Variants in SLMAP observed in about 807,000 individuals in gnomAD.
SLMAP encodes the protein sarcolemma associated protein.
In SLMAP, 44 loss-of-function variants were observed where a neutral mutation model predicts 128.8. The ratio of observed to expected loss-of-function variants is 0.34; its 90% CI spans 0.27 to 0.44. The LOEUF is 0.44. Ranked by LOEUF, SLMAP falls within the 20% of genes least tolerant of loss-of-function variation. The probability of loss-of-function intolerance (pLI) is 1.00; values close to 1 mark genes in which losing one functional copy is unlikely to be tolerated. For synonymous variants in SLMAP, 327 were observed against 348.8 expected (o/e 0.94, Z 0.70); for missense variants, 787 against 985.3 (o/e 0.80, Z 2.69).
intron 2 of SLMAP, among the ~76,000 whole-genome samples, chr3:57,820,569 A>G (rs1195560688): frequency 2.0e-5 from 3 of 152,214 alleles, no homozygotes; most frequent in Non-Finnish European, 2.9e-5. Flanking sequence ...CGCGAGGGCA[A>G]ATGGTCCAAG....
intron 2 of SLMAP, among the ~76,000 whole-genome samples, chr3:57,810,272 T>C (rs2090719904): frequency 6.6e-6 from 1 of 152,192 alleles, no homozygotes; most frequent in African/African-American, 2.4e-5. Context: ...CCATGCTCGC[T>C]TGCTTGCACA....
At chr3:57,772,900 A>T (rs1283075333) in intron 2 of SLMAP, among the ~76,000 whole-genome samples, 1 of 152,102 alleles carries the variant, frequency 6.6e-6, no homozygotes, top group Non-Finnish European at 1.5e-5. Flanking sequence ...TCGGCCTCCC[A>T]AAGTGCTGGG....
At chr3:57,867,169 A>G (rs1401335557) in intron 13 of SLMAP, among the ~76,000 whole-genome samples, 1 of 152,150 alleles carries the variant, frequency 6.6e-6, no homozygotes, top group Non-Finnish European at 1.5e-5. Flanking sequence ...ACAGAGTGAG[A>G]CTCTTGTCTC....
chr3:57,838,171 C>T (rs1183433627), intron 3 of SLMAP, among the ~76,000 whole-genome samples: 1 of 152,176 alleles, frequency 6.6e-6, no homozygotes, highest in African/African-American at 2.4e-5. Context: ...TTTAAAAAAA[C>T]AACTTTCTAC....
chr3:57,908,566 T>G lies in SLMAP; in HGVS notation c.1625-510T>G, dbSNP rs143785943. On this transcript the variant is annotated intron_variant, in intron 18 of 24. Coordinates refer to ENST00000671191, the MANE Select transcript of SLMAP (RefSeq NM_001377540.1). ...GAAGATTTACATCCCAGGAGGGAAC[T>G]AGGAACTTCTTGTTACTACTTCTTT... Among the ~76,000 whole-genome samples the G allele has an allele frequency of 3.5e-4, 54 of 152,340 alleles. No homozygotes were observed. In the East Asian group the frequency reaches 8.7e-3, roughly 25 times the overall value.
At chr3:57,760,645 C>G (rs2078434527) in intron 2 of SLMAP, among the ~76,000 whole-genome samples, 2 of 151,942 alleles carry the variant, frequency 1.3e-5, no homozygotes, top group Admixed American at 6.6e-5. Context: ...TGCTTGAGCC[C>G]AGGAGTTTGA....
intron 3 of SLMAP, 43 bp downstream of exon 3, chr3:57,831,573 G>C: frequency 7.5e-7 from 1 of 1,339,924 alleles, no homozygotes; most frequent in South Asian, 1.9e-5. Context: ...TCTTTTAAAG[G>C]TTATTTAATT....
intron 17 of SLMAP, chr3:57,900,343 TTCTA>T (rs767968951): frequency 5.3e-5 from 8 of 152,328 alleles, no homozygotes; most frequent in South Asian, 2.1e-4. Context: ...TAGTAATCAT[TTCTA>T]TCTATTTAGT....
intron 2 of SLMAP, among the ~76,000 whole-genome samples, chr3:57,762,668 C>T (rs947224167): frequency 1.4e-4 from 21 of 148,868 alleles, no homozygotes; most frequent in Non-Finnish European, 1.8e-4. Flanking sequence ...TCATCCTTTT[C>T]GGAAGTCAAG....
chr3:57,791,956 C>G (rs983349588), intron 2 of SLMAP, among the ~76,000 whole-genome samples: 2 of 151,938 alleles, frequency 1.3e-5, no homozygotes, highest in Non-Finnish European at 2.9e-5. Context: ...ATTTTAGTGG[C>G]CTGTCTTTTT....
In SLMAP at chr3:57,853,957, A is replaced by T. The variant is rs1294656261; in HGVS notation, c.520-3776A>T. Among the ~76,000 whole-genome samples the T allele has an allele frequency of 3.8e-3, 146 of 38,408 alleles. 3 individuals are homozygous for T. The highest frequency in any genetic ancestry group is 7.3e-3 in the African/African-American group (63 of 8,630). 25.2% of individuals were successfully genotyped at this position (38,408 alleles called of 152,430 possible). On this transcript the variant is annotated intron_variant, in intron 6 of 24. Coordinates refer to ENST00000671191, the MANE Select transcript of SLMAP (RefSeq NM_001377540.1). ...ATTCTGTCTCAAAAAAAAAAAAATT[A>T]TATATATATATATATATATATATAT...
At chr3:57,903,425 A>G (rs906968239) in intron 17 of SLMAP, among the ~76,000 whole-genome samples, 3 of 152,226 alleles carry the variant, frequency 2.0e-5, no homozygotes, top group Admixed American at 2.0e-4. Flanking sequence ...TGTTATGGCT[A>G]GGTCAGCTTT....
rs527761204 is a variant in SLMAP, at chr3:57,763,808, A to T, written c.198+5959A>T. Among the ~76,000 whole-genome samples, 311 of 152,352 alleles carry T rather than the reference A, an allele frequency of 2.0e-3. 7 individuals are homozygous for T. In the South Asian group the frequency reaches 0.038, roughly 19 times the overall value. On this transcript the variant is annotated intron_variant, in intron 2 of 24. Coordinates refer to ENST00000671191, the MANE Select transcript of SLMAP (RefSeq NM_001377540.1). ...TTTGACTTTAAAATTAGGGGTGGAT[A>T]GATAAGAAAAGGTGTTTTTTTGGTT...
At chr3:57,869,504 T>C (rs927406630) in intron 13 of SLMAP, among the ~76,000 whole-genome samples, 3 of 150,180 alleles carry the variant, frequency 2.0e-5, no homozygotes, top group African/African-American at 7.4e-5. Context: ...GTTGTCCCAG[T>C]TACTTGGGAG....
intron 2 of SLMAP, among the ~76,000 whole-genome samples, chr3:57,759,066 T>C (rs2078116005): frequency 6.6e-6 from 1 of 152,188 alleles, no homozygotes; most frequent in African/African-American, 2.4e-5. Flanking sequence ...AGGAATTATT[T>C]TGTAAATTAT....
intron 13 of SLMAP, among the ~76,000 whole-genome samples, chr3:57,868,885 ATATATT>A (rs1283273293): frequency 7.3e-6 from 1 of 137,876 alleles, no homozygotes; most frequent in Non-Finnish European, 1.5e-5. Flanking sequence ...TATATATAAT[ATATATT>A]ATATATATTA....
intron 22 of SLMAP, among the ~76,000 whole-genome samples, chr3:57,919,153 G>A (rs546071722): frequency 2.0e-5 from 3 of 152,138 alleles, no homozygotes; most frequent in African/African-American, 7.2e-5. Context: ...GGCCAAGGCG[G>A]GCAGCTCACC....
rs2077832711 is a variant in SLMAP at position 57,757,595 on chromosome 3, G to T, written c.-57G>T. Reference sequence around the variant, plus strand: ...GCATAGGCTTGTGAAGGGCAGTCCGGATCCGGAGGAACTCCTCTTTGTCCC... The same window carrying T: ...GCATAGGCTTGTGAAGGGCAGTCCGTATCCGGAGGAACTCCTCTTTGTCCC... On this transcript the variant is annotated 5_prime_UTR_variant, in exon 2 of 25. Transcript: ENST00000671191. 4 of 1,567,418 alleles carry T rather than the reference G, an allele frequency of 2.6e-6. No individual in the cohort carries two copies. The highest frequency in any genetic ancestry group is 3.5e-6 in the Non-Finnish European group (4 of 1,142,666).
intron 8 of SLMAP, among the ~76,000 whole-genome samples, chr3:57,859,056 G>T (rs917759917): frequency 7.9e-5 from 12 of 152,124 alleles, no homozygotes; most frequent in African/African-American, 2.9e-4. Context: ...ATACACAGTG[G>T]CTCATGCCTG....
Sources: allele counts gnomAD v4.1 joint callset (sites outside exome capture counted in the v4.1 genomes callset), GRCh38; gene constraint gnomAD v4.1.1; transcripts MANE v1.5; gene names NCBI Gene and HGNC (gene_info 2026-07-23, HGNC 2026-07-21).